IL1RAPL1: variants seen among roughly 807,000 people sequenced by gnomAD.
The protein encoded by IL1RAPL1 is interleukin-1 receptor accessory protein-like 1.
IL1RAPL1 carries 3 observed loss-of-function variants against 48.4 expected under a neutral mutation model. That is an observed-to-expected ratio of 0.06 (90% CI 0.03 to 0.16). The LOEUF (loss-of-function observed/expected upper bound fraction) is 0.16, where lower values mean the gene tolerates loss of function less well. IL1RAPL1 is among the 10% of genes least tolerant of loss of function. The pLI is 1.00. For missense variants in IL1RAPL1, 349 were observed against 530.6 expected (o/e 0.66, Z 3.36); for synonymous variants, 185 against 187.7 (o/e 0.99, Z 0.12).
At chrX:29,796,718 C>G (rs745673889) in intron 6 of IL1RAPL1, among the ~76,000 whole-genome samples, 1 of 112,561 alleles carries the variant, frequency 8.9e-6, no homozygotes, top group South Asian at 3.6e-4. Context: ...AGGATCATAT[C>G]ACTTCCTTAT....
chrX:29,270,338 A>G, intron 2 of IL1RAPL1, among the ~76,000 whole-genome samples: 2 of 112,064 alleles, frequency 1.8e-5, no homozygotes. Context: ...TGTCTTATCT[A>G]AGAAACCTTT....
intron 2 of IL1RAPL1, among the ~76,000 whole-genome samples, chrX:29,273,638 A>G (rs1266100373): frequency 3.6e-5 from 4 of 111,892 alleles, no homozygotes; most frequent in Admixed American, 9.5e-5. Flanking sequence ...CATGTGTGGT[A>G]GGGTGCACAT....
rs183568776 is a variant in IL1RAPL1 at position 29,631,065 on chromosome X, T to C, written c.704-37365T>C. 5.3e-3 allele frequency among the ~76,000 whole-genome samples: 595 copies of C among 112,074 alleles called. 2 individuals carry two copies. The highest frequency in any genetic ancestry group is 0.018 in the African/African-American group (559 of 30,882). ...CCTGTTCTAAGAATCTGTATAGTGATGGGTTAATACAAGTAAATGGAAGCA... is the reference window on the plus strand; with the variant it reads ...CCTGTTCTAAGAATCTGTATAGTGACGGGTTAATACAAGTAAATGGAAGCA... On this transcript the variant is annotated intron_variant, in intron 5 of 10. Transcript: ENST00000378993.
chrX:29,164,251 G>T (rs5943603), intron 2 of IL1RAPL1, among the ~76,000 whole-genome samples: 39,170 of 110,371 alleles, frequency 0.35, 5,158 homozygotes, highest in East Asian at 0.59. Flanking sequence ...ATGTCTGGCT[G>T]CTCCTACTGC....
intron 6 of IL1RAPL1, among the ~76,000 whole-genome samples, chrX:29,767,245 T>C (rs1928937328): frequency 8.9e-6 from 1 of 112,360 alleles, no homozygotes; most frequent in African/African-American, 3.2e-5. Flanking sequence ...GAATGAAGAA[T>C]GGTCGTTGTT....
At chrX:29,129,114 G>C (rs948359946) in intron 2 of IL1RAPL1, among the ~76,000 whole-genome samples, 16 of 102,921 alleles carry the variant, frequency 1.6e-4, no homozygotes, top group Non-Finnish European at 2.5e-4. Context: ...CACCATCTAG[G>C]CTCACCGCGA....
chrX:29,452,846 T>C (rs1271847218), intron 5 of IL1RAPL1, among the ~76,000 whole-genome samples: 1 of 109,828 alleles, frequency 9.1e-6, no homozygotes. Flanking sequence ...TACCTTACCA[T>C]TCCCCACAGT....
chrX:29,416,807 G>C (rs921831425), intron 5 of IL1RAPL1, among the ~76,000 whole-genome samples: 1 of 111,644 alleles, frequency 9.0e-6, no homozygotes, highest in Non-Finnish European at 1.9e-5. Context: ...GACTTTTGGT[G>C]CTGTATTCTT....
intron 5 of IL1RAPL1, among the ~76,000 whole-genome samples, chrX:29,647,049 T>G (rs1162785120): frequency 8.9e-6 from 1 of 111,988 alleles, no homozygotes; most frequent in Non-Finnish European, 1.9e-5. Context: ...AAGTACAAAG[T>G]CAAATTAAGA....
At chrX:29,733,047 G>A (rs1927961216) in intron 6 of IL1RAPL1, among the ~76,000 whole-genome samples, 1 of 111,314 alleles carries the variant, frequency 9.0e-6, no homozygotes, top group Non-Finnish European at 1.9e-5. Flanking sequence ...GAGGGAGGCA[G>A]AGGAAGAGGA....
At chrX:29,132,213 A>C (rs1346638292) in intron 2 of IL1RAPL1, among the ~76,000 whole-genome samples, 1 of 111,658 alleles carries the variant, frequency 9.0e-6, no homozygotes, top group Non-Finnish European at 1.9e-5. Context: ...TTAGTCCCAA[A>C]GATTTCAGAT....
chrX:29,234,818 C>T (rs1931261352), intron 2 of IL1RAPL1, among the ~76,000 whole-genome samples: 1 of 112,512 alleles, frequency 8.9e-6, no homozygotes, highest in Admixed American at 9.4e-5. Flanking sequence ...ACTTTTACCA[C>T]TCAAGACTGT....
intron 5 of IL1RAPL1, among the ~76,000 whole-genome samples, chrX:29,468,633 C>T (rs1011363829): frequency 2.7e-5 from 3 of 111,899 alleles, no homozygotes; most frequent in Non-Finnish European, 5.6e-5. Flanking sequence ...GCAGACACTA[C>T]GAAGCCACTC....
intron 2 of IL1RAPL1, among the ~76,000 whole-genome samples, chrX:29,206,905 A>G (rs1037256870): frequency 1.8e-5 from 2 of 112,162 alleles, no homozygotes; most frequent in Non-Finnish European, 3.8e-5. Context: ...TAGTTGGCCT[A>G]TAAGTGTTTA....
intron 5 of IL1RAPL1, among the ~76,000 whole-genome samples, chrX:29,443,280 A>G (rs1322570609): frequency 3.0e-5 from 3 of 98,735 alleles, no homozygotes; most frequent in Non-Finnish European, 6.2e-5. Flanking sequence ...TAGTGCTCAC[A>G]AATTATTTAA....
intron 5 of IL1RAPL1, among the ~76,000 whole-genome samples, chrX:29,487,819 A>G (rs1235741524): frequency 8.9e-6 from 1 of 112,009 alleles, no homozygotes; most frequent in African/African-American, 3.2e-5. Flanking sequence ...TGAGTGGGGC[A>G]TGGGCTGGAT....
chrX:29,333,452 G>T (rs1266762466), intron 3 of IL1RAPL1, among the ~76,000 whole-genome samples: 86 of 47,137 alleles, frequency 1.8e-3, no homozygotes, highest in Non-Finnish European at 2.6e-3. Context: ...GCCGGGCAGA[G>T]GGGCTCCTCA....
intron 1 of IL1RAPL1, among the ~76,000 whole-genome samples, chrX:28,662,004 G>A (rs1019794576): frequency 1.8e-5 from 2 of 111,555 alleles, no homozygotes; most frequent in African/African-American, 6.5e-5. Context: ...GGTAAGGCTG[G>A]AACACTGATG....
chrX:28,781,553 G>T (rs1372489466), intron 1 of IL1RAPL1, among the ~76,000 whole-genome samples: 4 of 110,325 alleles, frequency 3.6e-5, no homozygotes, highest in South Asian at 3.8e-4. Context: ...TAACTTAAAG[G>T]CACCTGATTA....
Sources: gnomAD v4.1 joint callset for allele counts (sites outside exome capture counted in the v4.1 genomes callset) on GRCh38, gnomAD v4.1.1 for gene constraint, MANE v1.5 for transcripts, NCBI Gene and HGNC (gene_info 2026-07-23, HGNC 2026-07-21) for gene names.